FMNL2: variants seen among roughly 807,000 people sequenced by gnomAD.
FMNL2 encodes the protein formin-like protein 2.
A neutral mutation model predicts 130.2 loss-of-function variants in FMNL2; 51 were observed. That is an observed-to-expected ratio of 0.39 (90% CI 0.31 to 0.49). The LOEUF is 0.49. FMNL2 is among the 20% of genes least tolerant of loss of function. The pLI is 0.85. For synonymous variants in FMNL2, 465 were observed against 467.1 expected (o/e 1.00, Z 0.06); for missense variants, 977 against 1,316.2 (o/e 0.74, Z 3.99).
At chr2:152,568,277 G>A (rs745902372) in intron 6 of FMNL2, among the ~76,000 whole-genome samples, 49 of 133,774 alleles carry the variant, frequency 3.7e-4, no homozygotes, top group Admixed American at 2.7e-3. Context: ...ATGTAGTGGC[G>A]TGATCTCGGC....
chr2:152,580,015 T>A (rs889712183), intron 8 of FMNL2, among the ~76,000 whole-genome samples: 1 of 152,270 alleles, frequency 6.6e-6, no homozygotes, highest in Non-Finnish European at 1.5e-5. Flanking sequence ...TCCTCTTTAC[T>A]GAATATTATT....
At chr2:152,506,850 CATTTT>C (rs1211501044) in intron 1 of FMNL2, among the ~76,000 whole-genome samples, 1 of 121,774 alleles carries the variant, frequency 8.2e-6, no homozygotes, top group African/African-American at 2.8e-5. Context: ...GGAAAAAACT[CATTTT>C]ATTCTTCTAA....
chr2:152,356,239 C>A (rs1395450835), intron 1 of FMNL2, among the ~76,000 whole-genome samples: 1 of 152,226 alleles, frequency 6.6e-6, no homozygotes, highest in Non-Finnish European at 1.5e-5. Context: ...AATTCTGTCT[C>A]AGCCTTCCGA....
intron 1 of FMNL2, among the ~76,000 whole-genome samples, chr2:152,397,879 CT>C: frequency 6.6e-6 from 1 of 152,122 alleles, no homozygotes; most frequent in African/African-American, 2.4e-5. Context: ...ATCCCAGCAC[CT>C]TGGGAGACCA....
chr2:152,346,909 G>T (rs1682156619), intron 1 of FMNL2, among the ~76,000 whole-genome samples: 1 of 151,722 alleles, frequency 6.6e-6, no homozygotes, highest in Admixed American at 6.6e-5. Context: ...GGCCAACATG[G>T]TGAAACCCCG....
chr2:152,386,581 T>C (rs1244100182), intron 1 of FMNL2, among the ~76,000 whole-genome samples: 1 of 152,242 alleles, frequency 6.6e-6, no homozygotes, highest in Non-Finnish European at 1.5e-5. Context: ...GTTATTTTAC[T>C]TTGATTTTCA....
Position 152,335,334 on chromosome 2 carries a change from A to C in FMNL2, c.-270A>C. 1 of 207,664 alleles carries C rather than the reference A, an allele frequency of 4.8e-6. No homozygotes were observed. Among genetic ancestry groups the C allele is most frequent in the Non-Finnish European group, 9.4e-6 (1 of 106,114 alleles). 12.9% of individuals were successfully genotyped at this position (207,664 alleles called of 1,614,324 possible). A position where few individuals can be genotyped will look rare whatever the true frequency, so the allele number is the denominator to read the frequency against. On this transcript the variant is annotated 5_prime_UTR_variant, in exon 1 of 26. Transcript: ENST00000288670. ...GGTGTGCCAGCGGAGCACCATGCAC[A>C]TAGGCGCCCAGCGCCCCAACTACCC... is the stretch of plus-strand genomic sequence containing the variant.
intron 23 of FMNL2, among the ~76,000 whole-genome samples, chr2:152,639,755 C>T (rs1682922243): frequency 6.6e-6 from 1 of 152,250 alleles, no homozygotes; most frequent in Middle Eastern, 3.4e-3. Flanking sequence ...TGAATTGAAT[C>T]TCAGCTCCCA....
At chr2:152,628,931 A>G (rs1681983652) in intron 18 of FMNL2, among the ~76,000 whole-genome samples, 1 of 152,200 alleles carries the variant, frequency 6.6e-6, no homozygotes, top group Non-Finnish European at 1.5e-5. Context: ...ATCTTTAGTG[A>G]GCAGACTTAC....
chr2:152,570,643 T>G (rs1422087373), intron 6 of FMNL2, among the ~76,000 whole-genome samples: 1 of 152,162 alleles, frequency 6.6e-6, no homozygotes, highest in African/African-American at 2.4e-5. Flanking sequence ...TTTCCTGTTT[T>G]TCTCTTTGGA....
In FMNL2 at chr2:152,520,595, CA is replaced by C. The variant is rs35601593; in HGVS notation, c.118-1333del. ...GGGCAACAGGAGTGAAACCCCATCTCAAAAAAAAAAAAAAATTAAATTAAAT... is the reference window on the plus strand; with the variant it reads ...GGGCAACAGGAGTGAAACCCCATCTCAAAAAAAAAAAAAATTAAATTAAAT... On this transcript the variant is annotated intron_variant, in intron 1 of 25. Coordinates refer to ENST00000288670, the MANE Select transcript of FMNL2 (RefSeq NM_052905.4). Among the ~76,000 whole-genome samples, 1,077 of 130,362 alleles carry C rather than the reference CA, an allele frequency of 8.3e-3. 7 individuals carry two copies. The highest frequency in any genetic ancestry group is 0.028 in the African/African-American group (928 of 32,836). The allele number at this position is 130,362 out of a possible 152,430, so 85.5% of individuals were successfully genotyped here.
At chr2:152,422,066 T>G (rs547523390) in intron 1 of FMNL2, among the ~76,000 whole-genome samples, 4 of 152,314 alleles carry the variant, frequency 2.6e-5, no homozygotes, top group African/African-American at 7.2e-5. Flanking sequence ...TCTAATCACC[T>G]TTGTAAATCT....
intron 2 of FMNL2, among the ~76,000 whole-genome samples, chr2:152,537,434 G>C (rs962782205): frequency 2.6e-5 from 4 of 151,988 alleles, no homozygotes; most frequent in African/African-American, 4.8e-5. Flanking sequence ...ATGAGGAAAC[G>C]TATGGTTATG....
intron 1 of FMNL2, among the ~76,000 whole-genome samples, chr2:152,354,429 C>T (rs766333023): frequency 2.6e-4 from 39 of 152,004 alleles, no homozygotes; most frequent in African/African-American, 7.5e-4. Context: ...ATCAAGAATA[C>T]GGTGCCATCT....
At chr2:152,614,337 T>A (rs1431679495) in intron 11 of FMNL2, among the ~76,000 whole-genome samples, 1 of 152,236 alleles carries the variant, frequency 6.6e-6, no homozygotes, top group Non-Finnish European at 1.5e-5. Context: ...TGGGAGAGCG[T>A]ATTCACCCGA....
chr2:152,467,921 C>G (rs746585821), intron 1 of FMNL2, among the ~76,000 whole-genome samples: 2 of 152,236 alleles, frequency 1.3e-5, no homozygotes, highest in African/African-American at 4.8e-5. Context: ...GTCATCATCA[C>G]CCCATTTTAG....
At chr2:152,470,230 A>G (rs1296256202) in intron 1 of FMNL2, among the ~76,000 whole-genome samples, 1 of 152,210 alleles carries the variant, frequency 6.6e-6, no homozygotes, top group Admixed American at 6.5e-5. Flanking sequence ...GGAAGTGGGA[A>G]GACCTGGGTT....
intron 1 of FMNL2, among the ~76,000 whole-genome samples, chr2:152,357,062 C>CGTAAGTTTAATGTATCATG (rs749672375): frequency 7.2e-6 from 1 of 139,076 alleles, no homozygotes; most frequent in Non-Finnish European, 1.6e-5. Context: ...ATAAATATTA[C>CGTAAGTTTAATGTATCATG]ATAAGTTTAA....
chr2:152,569,702 G>GTT (rs1696066491), intron 6 of FMNL2, among the ~76,000 whole-genome samples: 1 of 138,062 alleles, frequency 7.2e-6, no homozygotes, highest in Non-Finnish European at 1.5e-5. Context: ...AAAAAAGGAA[G>GTT]TTAAAAAAAA....
Sources: gnomAD v4.1 joint callset for allele counts (sites outside exome capture counted in the v4.1 genomes callset) on GRCh38, gnomAD v4.1.1 for gene constraint, MANE v1.5 for transcripts, NCBI Gene and HGNC (gene_info 2026-07-23, HGNC 2026-07-21) for gene names.